The following SLIT2 variants were observed in gnomAD, a reference collection of about 807,000 sequenced individuals.
The protein encoded by SLIT2 is slit homolog 2 protein.
In SLIT2, 41 loss-of-function variants were observed where a neutral mutation model predicts 185.7. The observed-to-expected ratio is 0.22, with a 90% CI of 0.17 to 0.29. SLIT2 has a LOEUF of 0.29. SLIT2 is among the 10% of genes least tolerant of loss of function. The probability of loss-of-function intolerance (pLI) is 1.00; values close to 1 mark genes in which losing one functional copy is unlikely to be tolerated. For missense variants in SLIT2, 1,571 were observed against 1,909.0 expected (o/e 0.82, Z 3.30); for synonymous variants, 693 against 680.2 (o/e 1.02, Z -0.29).
At chr4:20,378,051 A>G (rs775446403) in intron 4 of SLIT2, among the ~76,000 whole-genome samples, 1 of 152,140 alleles carries the variant, frequency 6.6e-6, no homozygotes, top group African/African-American at 2.4e-5. Flanking sequence ...TGTCATTATG[A>G]TATGTATTAT....
chr4:20,416,457 G>A (rs540683251), intron 4 of SLIT2, among the ~76,000 whole-genome samples: 3 of 151,854 alleles, frequency 2.0e-5, no homozygotes, highest in African/African-American at 2.4e-5. Flanking sequence ...ATACATTTAC[G>A]CTGGAGGTGA....
chr4:20,353,898 TAA>T (rs1179114259), intron 4 of SLIT2, among the ~76,000 whole-genome samples: 1 of 152,214 alleles, frequency 6.6e-6, no homozygotes, highest in Non-Finnish European at 1.5e-5. Context: ...CTCAGTTTAC[TAA>T]GTTTTTGGTA....
At chr4:20,368,437 T>A (rs1723314158) in intron 4 of SLIT2, among the ~76,000 whole-genome samples, 1 of 152,000 alleles carries the variant, frequency 6.6e-6, no homozygotes, top group South Asian at 2.1e-4. Context: ...CACAACTTTT[T>A]TTTGTTAAAG....
intron 29 of SLIT2, among the ~76,000 whole-genome samples, chr4:20,587,030 T>C (rs960143945): frequency 4.0e-4 from 60 of 150,196 alleles, no homozygotes; most frequent in African/African-American, 1.4e-3. Context: ...GAAAATCAAA[T>C]CTTTTTTTTT....
At position 20,484,215 on chromosome 4, in the gene SLIT2, T is replaced by C. The variant is rs974839724; in HGVS notation, c.540-1985T>C. ...CAAAGTCATATTTCAGAATGCTATA[T>C]ACTATAAAGATTTTAGCCATATTAA... On this transcript the variant is annotated intron_variant, in intron 6 of 36. Transcript: ENST00000504154. The surrounding 1 kb of genome is among the most constrained non-coding windows in gnomAD (Gnocchi z 4.3). Among the ~76,000 whole-genome samples the C allele has an allele frequency of 1.3e-5, 2 of 152,142 alleles. No homozygotes were observed. The highest frequency in any genetic ancestry group is 2.4e-5 in the African/African-American group (1 of 41,456).
At chr4:20,426,941 A>G (rs943786865) in intron 4 of SLIT2, among the ~76,000 whole-genome samples, 1 of 152,134 alleles carries the variant, frequency 6.6e-6, no homozygotes, top group African/African-American at 2.4e-5. Context: ...AAGAGTTAGG[A>G]GTAGAGTCCA....
chr4:20,416,569 T>A (rs1183056797), intron 4 of SLIT2, among the ~76,000 whole-genome samples: 3 of 152,036 alleles, frequency 2.0e-5, no homozygotes, highest in African/African-American at 4.8e-5. Flanking sequence ...ATTTCAGGTA[T>A]TTTTAAATGA....
intron 16 of SLIT2, among the ~76,000 whole-genome samples, chr4:20,529,748 A>T (rs1385286435): frequency 6.6e-6 from 1 of 152,200 alleles, no homozygotes; most frequent in Non-Finnish European, 1.5e-5. Flanking sequence ...GCCTTTACTG[A>T]CTTTATTTAT....
chr4:20,262,842 C>T (rs1000577497), intron 3 of SLIT2, among the ~76,000 whole-genome samples: 6 of 151,890 alleles, frequency 4.0e-5, no homozygotes, highest in Non-Finnish European at 5.9e-5. Context: ...AACATTGAAT[C>T]CATCTGAGAG....
chr4:20,516,203 G>A (rs535566086), intron 11 of SLIT2, among the ~76,000 whole-genome samples: 89 of 152,300 alleles, frequency 5.8e-4, no homozygotes, highest in African/African-American at 2.1e-3. Flanking sequence ...AAACTCACAA[G>A]GGCTAAATTG....
At chr4:20,258,034 G>A (rs1712033879) in intron 3 of SLIT2, 95 bp downstream of exon 3, 4 of 630,786 alleles carry the variant, frequency 6.3e-6, no homozygotes, top group South Asian at 2.4e-5. Flanking sequence ...CATGTCTTAG[G>A]GTTTGAAATT....
chr4:20,560,323 T>G (rs2148903748), intron 26 of SLIT2, among the ~76,000 whole-genome samples: 1 of 152,136 alleles, frequency 6.6e-6, no homozygotes, highest in South Asian at 2.1e-4. Flanking sequence ...GCTGTTATTT[T>G]GAGTCATTAA....
intron 4 of SLIT2, among the ~76,000 whole-genome samples, chr4:20,443,790 G>T (rs894574381): frequency 1.3e-5 from 2 of 152,072 alleles, no homozygotes; most frequent in Non-Finnish European, 2.9e-5. Flanking sequence ...AACTTCTGAA[G>T]AGCCTCATCA....
chr4:20,428,110 T>C lies in SLIT2; in HGVS notation c.396-39642T>C, dbSNP rs142474712. Among the ~76,000 whole-genome samples, 150 of 152,356 alleles carry C rather than the reference T, an allele frequency of 9.8e-4. No homozygotes were observed. In the East Asian group the frequency reaches 0.016, roughly 16 times the overall value. ...AAGTAGATTTAAACCCATGTTTGAC[T>C]CTTAATGTCATGTGTTTGATCTCCG... is the stretch of plus-strand genomic sequence containing the variant. On this transcript the variant is annotated intron_variant, in intron 4 of 36. Coordinates refer to ENST00000504154, the MANE Select transcript of SLIT2 (RefSeq NM_004787.4).
chr4:20,338,946 A>G (rs1370122730), intron 4 of SLIT2, among the ~76,000 whole-genome samples: 1 of 151,908 alleles, frequency 6.6e-6, no homozygotes, highest in Non-Finnish European at 1.5e-5. Context: ...AATAAAAATT[A>G]GGTAGGCATG....
intron 4 of SLIT2, among the ~76,000 whole-genome samples, chr4:20,458,630 A>C (rs1713355259): frequency 6.6e-6 from 1 of 152,170 alleles, no homozygotes; most frequent in African/African-American, 2.4e-5. Flanking sequence ...GGGTGATTGA[A>C]CTGTAATATC....
At chr4:20,403,972 A>G (rs1040539120) in intron 4 of SLIT2, among the ~76,000 whole-genome samples, 1 of 151,952 alleles carries the variant, frequency 6.6e-6, no homozygotes, top group African/African-American at 2.4e-5. Context: ...GCCGCATACA[A>G]ACATGAAATG....
chr4:20,368,272 A>T (rs558172507), intron 4 of SLIT2, among the ~76,000 whole-genome samples: 3 of 151,230 alleles, frequency 2.0e-5, no homozygotes, highest in Admixed American at 2.0e-4. Context: ...AATGGGAAGT[A>T]GAGAATTTCT....
intron 5 of SLIT2, among the ~76,000 whole-genome samples, chr4:20,479,894 A>G (rs986054421): frequency 4.6e-5 from 7 of 152,184 alleles, no homozygotes; most frequent in African/African-American, 1.4e-4. Context: ...CCATAGATAC[A>G]TGTAGTGTTT....
Sources: allele counts gnomAD v4.1 joint callset (sites outside exome capture counted in the v4.1 genomes callset), GRCh38; gene constraint gnomAD v4.1.1; non-coding constraint Gnocchi (gnomAD v3.1); transcripts MANE v1.5; gene names NCBI Gene and HGNC (gene_info 2026-07-23, HGNC 2026-07-21).